The following GFM1 variants were observed in gnomAD, a reference collection of about 807,000 sequenced individuals.
GFM1 encodes the protein elongation factor G, mitochondrial.
In GFM1, 62 loss-of-function variants were observed where a neutral mutation model predicts 96.2. That is an observed-to-expected ratio of 0.64 (90% CI 0.53 to 0.80). The LOEUF (loss-of-function observed/expected upper bound fraction) is 0.80, where lower values mean the gene tolerates loss of function less well. Among genes scored for constraint, GFM1 ranks in the 30% least tolerant of loss-of-function variants. The pLI, the probability that GFM1 is intolerant of heterozygous loss-of-function variation, is 0.00. For synonymous variants in GFM1, 282 were observed against 312.9 expected (o/e 0.90, Z 1.04); for missense variants, 852 against 916.6 (o/e 0.93, Z 0.91).
chr3:158,676,915 G>A (rs1448513754), intron 13 of GFM1, among the ~76,000 whole-genome samples: 4 of 152,036 alleles, frequency 2.6e-5, no homozygotes, highest in Non-Finnish European at 4.4e-5. Flanking sequence ...GGCCAGGCTG[G>A]TCTCGAACTC....
At chr3:158,690,656 T>G (rs1726233984) in intron 16 of GFM1, 3 of 341,998 alleles carry the variant, frequency 8.8e-6, no homozygotes, top group South Asian at 8.5e-5. Flanking sequence ...GCATAATTAC[T>G]TTATTGTTAT....
Position 158,684,584 on chromosome 3 carries a change from T to A in GFM1, c.1825T>A (p.Phe609Ile). 1 of 1,614,116 alleles carries A rather than the reference T, an allele frequency of 6.2e-7. No individual in the cohort carries two copies. Among genetic ancestry groups the A allele is most frequent in the East Asian group, 2.2e-5 (1 of 44,884 alleles). Residue 609 changes from phenylalanine to isoleucine, a missense_variant, in exon 15 of 18, where the codon TTT becomes ATT. Physicochemically the swap from Phe to Ile is conservative, Grantham distance 21. Transcript: ENST00000486715. ...TGGTCACAAGCTCTCTGGGCTCCGG[T>A]TTGTCCTGCAAGATGGAGCACACCA... Reference protein sequence around the residue: ...LSGHKLSGLRFVLQDGAHHMV... With the variant: ...LSGHKLSGLRIVLQDGAHHMV...
chr3:158,665,548 A>G (rs770947550), intron 12 of GFM1, 74 bp downstream of exon 12: 11 of 1,337,292 alleles, frequency 8.2e-6, no homozygotes, highest in East Asian at 7.0e-5. Context: ...ATAATTCTCA[A>G]TCTAATGTCT....
chr3:158,672,286 G>C, intron 13 of GFM1: 3 of 1,592,638 alleles, frequency 1.9e-6, no homozygotes, highest in Non-Finnish European at 2.6e-6. Context: ...GGCTGAGACC[G>C]CGGGTGAGTG....
intron 5 of GFM1, chr3:158,649,821 G>C (rs1722146460): frequency 3.5e-6 from 2 of 569,902 alleles, no homozygotes; most frequent in South Asian, 4.7e-5. Flanking sequence ...TCTACCTCCA[G>C]AGATTCTGAT....
At chr3:158,648,256 A>G (rs982822951) in intron 4 of GFM1, among the ~76,000 whole-genome samples, 1 of 152,060 alleles carries the variant, frequency 6.6e-6, no homozygotes, top group African/African-American at 2.4e-5. Flanking sequence ...GTTTCCTTCA[A>G]ATATTTGGTG....
At chr3:158,672,271 C>T (rs1724399366) in intron 13 of GFM1, 1 of 1,574,290 alleles carries the variant, frequency 6.4e-7, no homozygotes. Flanking sequence ...GTGTCTGCAC[C>T]CAAAGGCTGA....
intron 4 of GFM1, among the ~76,000 whole-genome samples, chr3:158,648,595 T>A (rs938642434): frequency 6.6e-5 from 10 of 151,408 alleles, no homozygotes; most frequent in Non-Finnish European, 1.5e-4. Context: ...GGAGAATTGC[T>A]TGAAGCCGGG....
At chr3:158,684,347 T>G (rs1344357244) in intron 14 of GFM1, among the ~76,000 whole-genome samples, 177 bp from the exon 15 acceptor site, 1 of 151,942 alleles carries the variant, frequency 6.6e-6, no homozygotes, top group Non-Finnish European at 1.5e-5. Context: ...CCCCTGAACT[T>G]AAAAGTTAAA....
intron 4 of GFM1, 134 bp downstream of exon 4, chr3:158,647,081 G>A: frequency 1.4e-6 from 1 of 732,046 alleles, no homozygotes; most frequent in Non-Finnish European, 2.3e-6. Context: ...ATGTGAGTTA[G>A]TAAGTGGAAC....
intron 5 of GFM1, chr3:158,649,773 A>G: frequency 2.0e-6 from 1 of 500,030 alleles, no homozygotes; most frequent in Non-Finnish European, 3.6e-6. Flanking sequence ...TGTTCATAAC[A>G]ATCCCCTGGA....
At chr3:158,669,685 T>G in intron 13 of GFM1, 1 of 1,402,706 alleles carries the variant, frequency 7.1e-7, no homozygotes, top group Non-Finnish European at 9.8e-7. Flanking sequence ...GAGATATGAT[T>G]TAAAGCATAG....
intron 13 of GFM1, chr3:158,672,525 G>A (rs1724441970): frequency 6.2e-7 from 1 of 1,609,152 alleles, no homozygotes; most frequent in Non-Finnish European, 8.5e-7. Context: ...TGGCTTAACG[G>A]GACCAGTAGC....
At position 158,691,377 on chromosome 3, in the gene GFM1, ATGTTTAC is replaced by A; in HGVS notation, c.2167_2173del (p.Cys723HisfsTer39). 1 of 1,613,904 alleles carries A rather than the reference ATGTTTAC, an allele frequency of 6.2e-7. No homozygotes were observed. The highest frequency in any genetic ancestry group is 8.5e-7 in the Non-Finnish European group (1 of 1,179,822). On this transcript the variant is annotated frameshift_variant, in exon 18 of 18. Coordinates refer to ENST00000486715, the MANE Select transcript of GFM1 (RefSeq NM_024996.7). LOFTEE classifies it high-confidence loss of function. ...CAATGGAGTATAGCAGGTATCAGCC[ATGTTTAC>A]CATCCACACAAGAAGACGTCATTAA...
chr3:158,656,624 C>G (rs901249106), intron 8 of GFM1: 7 of 152,200 alleles, frequency 4.6e-5, no homozygotes, highest in African/African-American at 1.7e-4. Flanking sequence ...TATGTTCCAC[C>G]CCCTTGAAGG....
Position 158,666,336 on chromosome 3 carries a change from C to T in GFM1, c.1551C>T (p.Ile517=). The T allele has an allele frequency of 6.2e-7, 1 of 1,613,450 alleles. No individual in the cohort carries two copies. The highest frequency in any genetic ancestry group is 8.5e-7 in the Non-Finnish European group (1 of 1,179,586). ...AAAGAGAGTATGGCTGTCCTTGTATCACAGGAAAGCCAAAAGTTGCCTTTC... is the reference window on the plus strand; with the variant it reads ...AAAGAGAGTATGGCTGTCCTTGTATTACAGGAAAGCCAAAAGTTGCCTTTC... ...RLEREYGCPC[I]TGKPKVAFRE... is the part of the protein sequence containing the mutation. The change falls in exon 13 of 18, where the codon ATC becomes ATT. Residue 517 remains isoleucine (I), a synonymous_variant. Coordinates refer to ENST00000486715, the MANE Select transcript of GFM1 (RefSeq NM_024996.7).
chr3:158,689,689 C>T (rs1726144859), intron 15 of GFM1, among the ~76,000 whole-genome samples: 1 of 151,142 alleles, frequency 6.6e-6, no homozygotes, highest in Non-Finnish European at 1.5e-5. Flanking sequence ...ATTGCTTGAA[C>T]CTGGGAGACA....
At chr3:158,683,121 T>C (rs1325033163) in intron 14 of GFM1, among the ~76,000 whole-genome samples, 1 of 152,192 alleles carries the variant, frequency 6.6e-6, no homozygotes, top group African/African-American at 2.4e-5. Flanking sequence ...ACTTAGAAGA[T>C]CTTATTAACA....
At chr3:158,652,610 C>T (rs1311710976) in intron 6 of GFM1, among the ~76,000 whole-genome samples, 2 of 152,176 alleles carry the variant, frequency 1.3e-5, no homozygotes. Context: ...TACGTATTCT[C>T]TAAGGCCTGC....
Sources: allele counts gnomAD v4.1 joint callset (sites outside exome capture counted in the v4.1 genomes callset), GRCh38; gene constraint gnomAD v4.1.1; transcripts MANE v1.5; gene names NCBI Gene and HGNC (gene_info 2026-07-23, HGNC 2026-07-21).